AFF1: variants seen among roughly 807,000 people sequenced by gnomAD.
The protein encoded by AFF1 is AF4/FMR2 family member 1.
Under a neutral mutation model 121.7 loss-of-function variants are expected in AFF1, and 48 were observed. The observed-to-expected ratio is 0.39, with a 90% CI of 0.31 to 0.50. The LOEUF (loss-of-function observed/expected upper bound fraction) is 0.50. Ranked by LOEUF, AFF1 falls within the 20% of genes least tolerant of loss-of-function variation. The probability of loss-of-function intolerance (pLI) is 0.76; values close to 1 mark genes in which losing one functional copy is unlikely to be tolerated. For synonymous variants in AFF1, 613 were observed against 563.0 expected (o/e 1.09, Z -1.26); for missense variants, 1,523 against 1,511.7 (o/e 1.01, Z -0.12).
intron 2 of AFF1, among the ~76,000 whole-genome samples, chr4:86,987,829 C>G (rs551108192): frequency 4.5e-4 from 68 of 151,800 alleles, no homozygotes; most frequent in Non-Finnish European, 9.4e-4. Flanking sequence ...GGCACACGCT[C>G]GTAGTCCCAG....
chr4:86,998,080 A>G (rs1397813302), intron 2 of AFF1, among the ~76,000 whole-genome samples: 1 of 143,758 alleles, frequency 7.0e-6, no homozygotes, highest in Non-Finnish European at 1.5e-5. Flanking sequence ...CCTAGGCAAT[A>G]AGAGCGAAAC....
intron 4 of AFF1, among the ~76,000 whole-genome samples, chr4:87,072,310 C>T (rs1330079042): frequency 6.8e-6 from 1 of 147,760 alleles, no homozygotes; most frequent in Non-Finnish European, 1.5e-5. Context: ...TTGCAGTGAG[C>T]CAAGATCACA....
chr4:87,105,603 TTC>T (rs1560629381), intron 8 of AFF1, 23 bp from the exon 9 acceptor site: 8 of 1,613,934 alleles, frequency 5.0e-6, no homozygotes, highest in Admixed American at 1.7e-5. Context: ...ACATTCATTC[TTC>T]TCTGTGTCCC....
At chr4:86,967,334 G>A (rs1722606004) in intron 2 of AFF1, among the ~76,000 whole-genome samples, 1 of 152,128 alleles carries the variant, frequency 6.6e-6, no homozygotes, top group Admixed American at 6.6e-5. Flanking sequence ...AAACAAAACA[G>A]AAGTAAACCG....
At chr4:87,120,884 T>A (rs750351813) in intron 12 of AFF1, among the ~76,000 whole-genome samples, 2 of 152,222 alleles carry the variant, frequency 1.3e-5, no homozygotes, top group African/African-American at 4.8e-5. Flanking sequence ...AAGTGTCTGC[T>A]TGGTGAGCTG....
At chr4:87,134,811 A>AAC in intron 20 of AFF1, 117 bp downstream of exon 20, 1 of 910,268 alleles carries the variant, frequency 1.1e-6, no homozygotes, top group Middle Eastern at 3.1e-4. Flanking sequence ...TAGCTGTTTT[A>AAC]CTTTAATTAT....
At chr4:87,105,937 T>C in intron 10 of AFF1, 92 bp downstream of exon 10, 3 of 1,487,032 alleles carry the variant, frequency 2.0e-6, no homozygotes, top group Non-Finnish European at 2.8e-6. Context: ...TTTCACATTT[T>C]TTGTCATGGG....
At chr4:87,056,966 A>G (rs1419157846) in intron 4 of AFF1, among the ~76,000 whole-genome samples, 10 of 152,346 alleles carry the variant, frequency 6.6e-5, no homozygotes, top group South Asian at 2.1e-4. Flanking sequence ...TGGTTGTCCA[A>G]GCTTCTGGAG....
At chr4:87,083,381 A>G (rs998686485) in intron 4 of AFF1, among the ~76,000 whole-genome samples, 1 of 152,236 alleles carries the variant, frequency 6.6e-6, no homozygotes, top group African/African-American at 2.4e-5. Flanking sequence ...GCATGTATGT[A>G]TAAAGTGAAA....
At chr4:87,046,318 G>C in intron 3 of AFF1, 32 bp downstream of exon 3, 1 of 1,603,496 alleles carries the variant, frequency 6.2e-7, no homozygotes, top group Non-Finnish European at 8.5e-7. Context: ...TTGAAGTCCT[G>C]ATTTATCACA....
intron 8 of AFF1, among the ~76,000 whole-genome samples, chr4:87,104,545 C>T (rs926754717): frequency 2.8e-4 from 43 of 152,148 alleles, no homozygotes; most frequent in Middle Eastern, 3.2e-3. Flanking sequence ...GAATTACCAC[C>T]TCATGTAGGC....
intron 7 of AFF1, among the ~76,000 whole-genome samples, chr4:87,094,198 G>C (rs2149721816): frequency 6.6e-6 from 1 of 152,238 alleles, no homozygotes; most frequent in Middle Eastern, 3.4e-3. Flanking sequence ...AATCTTGGCT[G>C]TCCTTTGTGA....
intron 2 of AFF1, among the ~76,000 whole-genome samples, chr4:87,030,110 A>T (rs984502070): frequency 1.3e-5 from 2 of 151,684 alleles, no homozygotes; most frequent in Admixed American, 6.5e-5. Flanking sequence ...AGCAGTCTCT[A>T]TTCCTTTAGG....
intron 2 of AFF1, among the ~76,000 whole-genome samples, chr4:86,997,953 C>T (rs564119141): frequency 6.6e-6 from 1 of 152,050 alleles, no homozygotes; most frequent in East Asian, 1.9e-4. Context: ...AAAAAATTTG[C>T]CAGGTGTGGT....
At chr4:87,109,873 G>A (rs1726287089) in intron 11 of AFF1, among the ~76,000 whole-genome samples, 1 of 152,202 alleles carries the variant, frequency 6.6e-6, no homozygotes, top group Non-Finnish European at 1.5e-5. Context: ...GTATTGTTAT[G>A]TATTGCAGAT....
At chr4:87,090,770 T>C (rs2149714996) in intron 6 of AFF1, among the ~76,000 whole-genome samples, 1 of 152,170 alleles carries the variant, frequency 6.6e-6, no homozygotes, top group East Asian at 1.9e-4. Context: ...TCCCAGTACT[T>C]TGGGAGGCCG....
intron 12 of AFF1, among the ~76,000 whole-genome samples, chr4:87,117,217 GC>G (rs1290418193): frequency 6.6e-6 from 1 of 152,204 alleles, no homozygotes; most frequent in East Asian, 1.9e-4. Flanking sequence ...TGGGAACTGT[GC>G]CCTCTATAAG....
chr4:86,944,140 T>TAAA (rs35682600), intron 1 of AFF1, among the ~76,000 whole-genome samples: 11 of 96,166 alleles, frequency 1.1e-4, no homozygotes, highest in South Asian at 3.7e-4. Flanking sequence ...CAAGACCCTG[T>TAAA]AAAAAAAAAA....
chr4:87,003,718 A>C (rs1448556142), intron 2 of AFF1, among the ~76,000 whole-genome samples: 1 of 152,248 alleles, frequency 6.6e-6, no homozygotes, highest in Non-Finnish European at 1.5e-5. Flanking sequence ...TAATTTGTTT[A>C]TAGCATAAAT....
Sources: gnomAD v4.1 joint callset for allele counts (sites outside exome capture counted in the v4.1 genomes callset) on GRCh38, gnomAD v4.1.1 for gene constraint, MANE v1.5 for transcripts, NCBI Gene and HGNC (gene_info 2026-07-23, HGNC 2026-07-21) for gene names.